The following SNRPN variants were observed in gnomAD, a reference collection of about 807,000 sequenced individuals.
SNRPN encodes small nuclear ribonucleoprotein-associated protein N.
Under a neutral mutation model 25.2 loss-of-function variants are expected in SNRPN, and 7 were observed. The observed-to-expected ratio is 0.28, with a 90% CI of 0.16 to 0.52. SNRPN has a LOEUF of 0.52. Ranked by LOEUF, SNRPN falls within the 20% of genes least tolerant of loss-of-function variation. SNRPN has a pLI of 0.96. For missense variants in SNRPN, 196 were observed against 322.5 expected (o/e 0.61, Z 3.00); for synonymous variants, 124 against 110.6 (o/e 1.12, Z -0.76).
At chr15:24,963,353 A>G (rs1363272510) in intron 2 of SNRPN, among the ~76,000 whole-genome samples, 1 of 152,210 alleles carries the variant, frequency 6.6e-6, no homozygotes. Flanking sequence ...ATGGTGGCCC[A>G]TGCCTGTAAT....
intron 1 of SNRPN, among the ~76,000 whole-genome samples, chr15:24,885,693 AT>A (rs1159204945): frequency 1.4e-5 from 2 of 147,290 alleles, no homozygotes; most frequent in African/African-American, 5.1e-5. Context: ...AGAACGAAGG[AT>A]TTTCCAGGAA....
rs560622057 is a variant in SNRPN at position 24,944,577 on chromosome 15, C to T, written c.-390-17537C>T. ...ATTAGCTAGTGTTCTTTTGATTACT[C>T]GTAATTAATGCCTTTAAATCTAGTT... On this transcript the variant is annotated intron_variant, in intron 3 of 11. Transcript: ENST00000400097. Among the ~76,000 whole-genome samples, 7 of 152,238 alleles carry T rather than the reference C, an allele frequency of 4.6e-5. No homozygotes were observed. In the South Asian group the frequency reaches 1.0e-3, roughly 23 times the overall value.
chr15:24,920,127 A>G (rs1190431227), intron 3 of SNRPN: 1 of 152,104 alleles, frequency 6.6e-6, no homozygotes, highest in African/African-American at 2.4e-5. Context: ...TCTCTTATGT[A>G]AGTAGAAATT....
chr15:24,859,201 AAGG>A (rs2053750926), intron 1 of SNRPN, among the ~76,000 whole-genome samples: 1 of 152,210 alleles, frequency 6.6e-6, no homozygotes. Context: ...GCGACTGGCC[AAGG>A]AGAAGCACCC....
upstream of SNRPN, among the ~76,000 whole-genome samples, chr15:24,950,402 C>T (rs2062168253): frequency 6.6e-6 from 1 of 151,884 alleles, no homozygotes; most frequent in Admixed American, 6.6e-5. Flanking sequence ...GTCTCGAACT[C>T]CTGACCTCGT....
chr15:24,861,611 T>G (rs557340465), intron 1 of SNRPN, among the ~76,000 whole-genome samples: 156 of 152,296 alleles, frequency 1.0e-3, no homozygotes, highest in African/African-American at 3.7e-3. Context: ...AAAGTAATTG[T>G]GCTATGGCAT....
chr15:24,945,497 C>T (rs567864957), intron 3 of SNRPN, among the ~76,000 whole-genome samples: 41 of 152,054 alleles, frequency 2.7e-4, no homozygotes, highest in Middle Eastern at 3.4e-3. Context: ...TATAATTAAA[C>T]CTGTGATCGT....
intron 3 of SNRPN, among the ~76,000 whole-genome samples, chr15:24,937,555 T>G (rs2061312439): frequency 6.6e-6 from 1 of 152,132 alleles, no homozygotes; most frequent in African/African-American, 2.4e-5. Flanking sequence ...AATTTCATCT[T>G]GACTTGCTTT....
intron 3 of SNRPN, among the ~76,000 whole-genome samples, chr15:24,928,100 G>A (rs548117638): frequency 3.9e-5 from 6 of 152,302 alleles, no homozygotes; most frequent in African/African-American, 1.4e-4. Flanking sequence ...TGAGGATGCA[G>A]ATGACAGGGA....
At chr15:24,824,381 G>A (rs956222024) in intron 1 of SNRPN, among the ~76,000 whole-genome samples, 2 of 152,054 alleles carry the variant, frequency 1.3e-5, no homozygotes, top group African/African-American at 4.8e-5. Flanking sequence ...TTACCCAAAA[G>A]CTATAGACAT....
rs574316220 is a variant in SNRPN at position 24,873,533 on chromosome 15, C to T, written c.-578-12983C>T. ...TGCAATCTTGGCTCACTGCAAGCTC[C>T]GCCTCCCCGGTTCACACCATTCTCC... On this transcript the variant is annotated intron_variant, in intron 1 of 11. Transcript: ENST00000400097. Among the ~76,000 whole-genome samples the T allele has an allele frequency of 4.1e-3, 611 of 150,078 alleles. 5 individuals carry two copies. The highest frequency in any genetic ancestry group is 6.0e-3 in the Non-Finnish European group (404 of 67,574).
At chr15:24,906,459 A>G (rs2058814825) in intron 2 of SNRPN, among the ~76,000 whole-genome samples, 1 of 152,186 alleles carries the variant, frequency 6.6e-6, no homozygotes, top group African/African-American at 2.4e-5. Flanking sequence ...ACAGAGAGCT[A>G]TGCAAATGTG....
At chr15:24,887,630 C>T (rs1366403509) in intron 2 of SNRPN, among the ~76,000 whole-genome samples, 1 of 152,104 alleles carries the variant, frequency 6.6e-6, no homozygotes. Flanking sequence ...GATTTGTATA[C>T]ATTGGAGATT....
intron 1 of SNRPN, among the ~76,000 whole-genome samples, chr15:24,884,193 G>T (rs942009549): frequency 6.8e-6 from 1 of 147,724 alleles, no homozygotes; most frequent in Non-Finnish European, 1.5e-5. Context: ...CAAATGCCAG[G>T]CATGGTGACA....
chr15:24,962,038 A>C (rs1450455807), intron 1 of SNRPN, 76 bp from the exon 2 acceptor site: 3 of 1,205,892 alleles, frequency 2.5e-6, no homozygotes, highest in Non-Finnish European at 3.7e-6. Flanking sequence ...ATGTAGTTCT[A>C]AATATAACCT....
intron 2 of SNRPN, chr15:24,909,076 C>T (rs1408742580): frequency 2.1e-6 from 3 of 1,411,166 alleles, no homozygotes; most frequent in Non-Finnish European, 3.0e-6. Flanking sequence ...AGACTGGATT[C>T]TCTCGTATAG....
Position 24,919,069 on chromosome 15 carries a change from C to T in SNRPN, c.-504-942C>T, listed in dbSNP as rs1266567219. Among the ~76,000 whole-genome samples the T allele has an allele frequency of 2.0e-5, 3 of 146,350 alleles. No homozygotes were observed. The East Asian group carries it at 5.9e-4, about 29-fold the overall frequency. The stretch of plus-strand genomic sequence containing the variant: ...TATATATGTGCGCATATATATATAA[C>T]ATAATATATATGTGCGCATATATAT... On this transcript the variant is annotated intron_variant, in intron 2 of 11. Transcript: ENST00000400097.
chr15:24,977,486 A>G (rs2077198575), intron 7 of SNRPN, among the ~76,000 whole-genome samples: 1 of 152,094 alleles, frequency 6.6e-6, no homozygotes. Context: ...CTAAAAATAC[A>G]AAAATCAGCT....
chr15:24,935,004 G>C (rs552518447), intron 3 of SNRPN, among the ~76,000 whole-genome samples: 1 of 152,276 alleles, frequency 6.6e-6, no homozygotes, highest in East Asian at 1.9e-4. Flanking sequence ...GGGTTCAGTG[G>C]CTCACACCTG....
Sources: allele counts gnomAD v4.1 joint callset (sites outside exome capture counted in the v4.1 genomes callset), GRCh38; gene constraint gnomAD v4.1.1; transcripts MANE v1.5; gene names NCBI Gene and HGNC (gene_info 2026-07-23, HGNC 2026-07-21).